The following RCBTB1 variants were observed in gnomAD, a reference collection of about 807,000 sequenced individuals.
The protein encoded by RCBTB1 is RCC1 and BTB domain-containing protein 1.
Under a neutral mutation model 62.4 loss-of-function variants are expected in RCBTB1, and 46 were observed. The observed-to-expected ratio is 0.74, with a 90% CI of 0.58 to 0.94. The LOEUF (loss-of-function observed/expected upper bound fraction) is 0.94, where lower values mean the gene tolerates loss of function less well. Ranked by LOEUF, RCBTB1 falls within the 40% of genes least tolerant of loss-of-function variation. The probability of loss-of-function intolerance (pLI) is 0.00; values close to 1 mark genes in which losing one functional copy is unlikely to be tolerated. For missense variants in RCBTB1, 565 were observed against 654.9 expected (o/e 0.86, Z 1.50); for synonymous variants, 222 against 245.8 (o/e 0.90, Z 0.91).
intron 5 of RCBTB1, among the ~76,000 whole-genome samples, chr13:49,557,317 G>A (rs1006462307): frequency 6.6e-6 from 1 of 152,056 alleles, no homozygotes; most frequent in African/African-American, 2.4e-5. Context: ...CAAAGGCAAT[G>A]GAAATGGAGA....
At chr13:49,552,700 CAAG>C (rs1197524882) in intron 6 of RCBTB1, among the ~76,000 whole-genome samples, 1 of 152,032 alleles carries the variant, frequency 6.6e-6, no homozygotes, top group Non-Finnish European at 1.5e-5. Flanking sequence ...TGCAGAACAG[CAAG>C]GAGGAAGGCT....
Position 49,534,182 on chromosome 13 carries a change from A to T in RCBTB1, c.1536T>A (p.Asp512Glu), listed in dbSNP as rs1316129402. Residue 512 changes from aspartate to glutamate, a missense_variant, in exon 13 of 13, where the codon GAT becomes GAA. Transcript: ENST00000378302. ...CAATGAATTCCTTTAGCAGAGGGCC[A>T]TCCATTTGCCAAAATGCTGCAGTCT... is the stretch of plus-strand genomic sequence containing the variant. ...VTQTAAFWQM[D>E]GPLLKEFIAK... 6.2e-7 allele frequency: 1 copy of T among 1,614,208 alleles called. No individual in the cohort carries two copies. The highest frequency in any genetic ancestry group is 1.7e-5 in the Admixed American group (1 of 60,022).
chr13:49,577,004 T>A (rs1373905935), intron 2 of RCBTB1, among the ~76,000 whole-genome samples: 1 of 152,198 alleles, frequency 6.6e-6, no homozygotes, highest in Non-Finnish European at 1.5e-5. Context: ...ACATCCTGTA[T>A]CCCCACTGCA....
intron 9 of RCBTB1, among the ~76,000 whole-genome samples, chr13:49,548,079 G>A (rs911019430): frequency 4.6e-5 from 7 of 151,106 alleles, no homozygotes; most frequent in South Asian, 2.2e-4. Context: ...ACACCCAGCC[G>A]GTTCTTCACT....
rs117345716 is a variant in RCBTB1, at chr13:49,567,215, C to T, written c.65G>A (p.Arg22Gln). The change falls in exon 3 of 13, where the codon CGG becomes CAG. Residue 22 changes from arginine (R) to glutamine (Q), a missense_variant. Coordinates refer to ENST00000378302, the MANE Select transcript of RCBTB1 (RefSeq NM_018191.4). ...TGAGGTGCCGAAGACACACGCCTTC[C>T]GAATAGACGCGATCTCTTGAGGGGA... ...LLSPQEIASI[R>Q]KACVFGTSAS... 9.7e-5 allele frequency: 157 copies of T among 1,613,934 alleles called. No homozygotes were observed. Among genetic ancestry groups the T allele is most frequent in the Non-Finnish European group, 1.1e-4 (126 of 1,179,862 alleles).
intron 2 of RCBTB1, among the ~76,000 whole-genome samples, chr13:49,577,821 T>G (rs754222190): frequency 3.3e-5 from 5 of 152,222 alleles, no homozygotes; most frequent in Non-Finnish European, 5.9e-5. Flanking sequence ...CAGCAAGCTT[T>G]AAACTACTCA....
intron 2 of RCBTB1, among the ~76,000 whole-genome samples, chr13:49,573,104 A>C (rs1288698545): frequency 1.3e-5 from 2 of 152,222 alleles, no homozygotes; most frequent in Non-Finnish European, 2.9e-5. Context: ...TCATACAGCT[A>C]AACTATGTGC....
intron 4 of RCBTB1, among the ~76,000 whole-genome samples, chr13:49,563,309 T>G (rs955556869): frequency 1.1e-4 from 13 of 114,668 alleles, no homozygotes; most frequent in African/African-American, 4.5e-4. Flanking sequence ...CCATAATCAC[T>G]CCACTGTACT....
At chr13:49,539,008 T>C (rs1960143269) in intron 12 of RCBTB1, among the ~76,000 whole-genome samples, 1 of 151,932 alleles carries the variant, frequency 6.6e-6, no homozygotes, top group Non-Finnish European at 1.5e-5. Flanking sequence ...TAGCTGGGAT[T>C]ACAGGTACGC....
intron 2 of RCBTB1, among the ~76,000 whole-genome samples, chr13:49,577,521 G>C (rs566739360): frequency 1.8e-3 from 84 of 46,120 alleles, no homozygotes; most frequent in African/African-American, 8.5e-3. Context: ...GTTTGGGCTA[G>C]TTTAAATTGC....
chr13:49,560,655 A>G (rs1962364947), intron 4 of RCBTB1, among the ~76,000 whole-genome samples: 1 of 150,100 alleles, frequency 6.7e-6, no homozygotes, highest in Non-Finnish European at 1.5e-5. Context: ...TTTTACGCTC[A>G]TTTATTCTGT....
chr13:49,561,907 C>A lies in RCBTB1; in HGVS notation c.278-1823G>T, dbSNP rs1481787625. On this transcript the variant is annotated intron_variant, in intron 4 of 12. Coordinates refer to ENST00000378302, the MANE Select transcript of RCBTB1 (RefSeq NM_018191.4). The stretch of plus-strand genomic sequence containing the variant: ...AGGAGTTCAAGACCAGACTGGCCAA[C>A]ACAGTGAAACCCCACATCTACTAAA... Among the ~76,000 whole-genome samples the A allele has an allele frequency of 6.7e-5, 10 of 148,702 alleles. No homozygotes were observed. In the South Asian group the frequency reaches 2.1e-3, roughly 32 times the overall value.
At chr13:49,550,347 A>T (rs1000189179) in intron 8 of RCBTB1, 1 of 593,456 alleles carries the variant, frequency 1.7e-6, no homozygotes, top group Non-Finnish European at 2.1e-6. Flanking sequence ...TGGGCTGATA[A>T]GCATTGGCTG....
chr13:49,560,030 G>C lies in RCBTB1; in HGVS notation c.332C>G (p.Thr111Arg). ...GACGGGAGCAATGCCTTGGTTGGTC[G>C]TCCCATTCCCAAGCTGGCTATATCC... ...HNGYSQLGNG[T>R]TNQGIAPVQV... The change falls in exon 5 of 13, where the codon ACG becomes AGG. Residue 111 changes from threonine (T) to arginine (R), a missense_variant. Thr to Arg is a moderately conservative substitution (Grantham distance 71, BLOSUM62 -1). Transcript: ENST00000378302. The C allele has an allele frequency of 6.2e-7, 1 of 1,614,108 alleles. No homozygotes were observed. Among genetic ancestry groups the C allele is most frequent in the Non-Finnish European group, 8.5e-7 (1 of 1,180,002 alleles).
rs2274280 is a variant in RCBTB1 at position 49,552,369 on chromosome 13, A to G, written c.604-84T>C. 0.19 allele frequency: 147,657 copies of G among 760,818 alleles called. 17,832 individuals are homozygous for G. The highest frequency in any genetic ancestry group is 0.44 in the African/African-American group (25,055 of 56,818). The allele number at this position is 760,818 out of a possible 1,614,324, so 47.1% of individuals were successfully genotyped here. On this transcript the variant is annotated intron_variant, in intron 6 of 12. Coordinates refer to ENST00000378302, the MANE Select transcript of RCBTB1 (RefSeq NM_018191.4). The stretch of plus-strand genomic sequence containing the variant: ...ACAAAAAAACCAGCCCATCTAAACA[A>G]ATCAGATACTTCCAACACCTATATT...
In RCBTB1 at chr13:49,546,044, T is replaced by C. The variant is rs759028358; in HGVS notation, c.1046-1181A>G. The C allele has an allele frequency of 1.1e-4, 110 of 972,890 alleles. 1 individual carries two copies. Among genetic ancestry groups the C allele is most frequent in the Non-Finnish European group, 1.3e-4 (109 of 818,594 alleles). The allele number at this position is 972,890 out of a possible 1,614,324, so 60.3% of individuals were successfully genotyped here. A position where few individuals can be genotyped will look rare whatever the true frequency, so the allele number is the denominator to read the frequency against. ...GTAGAAAACCTCTCAAAAGTCAGGC[T>C]TCCCCTGACCTTGCAACCTGGATCA... is the stretch of plus-strand genomic sequence containing the variant. On this transcript the variant is annotated intron_variant, in intron 9 of 12. Coordinates refer to ENST00000378302, the MANE Select transcript of RCBTB1 (RefSeq NM_018191.4).
intron 8 of RCBTB1, 155 bp downstream of exon 8, chr13:49,551,171 G>C: frequency 4.1e-6 from 3 of 737,484 alleles, no homozygotes; most frequent in Non-Finnish European, 6.3e-6. Context: ...GGAGAAGGAG[G>C]AAGGGGGAAG....
chr13:49,549,441 G>A lies in RCBTB1; in HGVS notation c.1045+17C>T, dbSNP rs1961127485. 6.3e-7 allele frequency: 1 copy of A among 1,595,904 alleles called. No homozygotes were observed. The highest frequency in any genetic ancestry group is 1.1e-5 in the South Asian group (1 of 89,266). On this transcript the variant is annotated intron_variant, in intron 9 of 12. Transcript: ENST00000378302. ...GTACCATTCTTCCTGGGTGGAGGTG[G>A]CCCTGCACTTTCTTACCCACAGACA... is the stretch of plus-strand genomic sequence containing the variant.
At chr13:49,563,645 C>A (rs1012237544) in intron 4 of RCBTB1, among the ~76,000 whole-genome samples, 1 of 147,894 alleles carries the variant, frequency 6.8e-6, no homozygotes, top group Non-Finnish European at 1.5e-5. Context: ...GGCGATAGAG[C>A]GAGACTGTCT....
Sources: allele counts gnomAD v4.1 joint callset (sites outside exome capture counted in the v4.1 genomes callset), GRCh38; gene constraint gnomAD v4.1.1; transcripts MANE v1.5; gene names NCBI Gene and HGNC (gene_info 2026-07-23, HGNC 2026-07-21).